MSRA: variants seen among roughly 807,000 people sequenced by gnomAD.
The protein encoded by MSRA is mitochondrial peptide methionine sulfoxide reductase.
Under a neutral mutation model 31.3 loss-of-function variants are expected in MSRA, and 54 were observed. That is an observed-to-expected ratio of 1.73 (90% CI 1.39 to 2.17). The LOEUF (loss-of-function observed/expected upper bound fraction) is 2.17, where lower values mean the gene tolerates loss of function less well. Ranked by LOEUF, MSRA falls within the 30% of genes most tolerant of loss-of-function variation. The pLI, the probability that MSRA is intolerant of heterozygous loss-of-function variation, is 0.00. For synonymous variants in MSRA, 169 were observed against 116.5 expected, an observed-to-expected ratio of 1.45 and a Z score of -2.90; for missense variants, 507 against 300.9, an observed-to-expected ratio of 1.69 and a Z score of -5.07.
intron 3 of MSRA, among the ~76,000 whole-genome samples, chr8:10,294,149 C>G (rs148175818): frequency 6.6e-6 from 1 of 152,000 alleles, no homozygotes; most frequent in Non-Finnish European, 1.5e-5. Context: ...TCCAGTGAAC[C>G]GAGATTGCAC....
At chr8:10,294,958 A>T (rs951346682) in intron 3 of MSRA, among the ~76,000 whole-genome samples, 1 of 152,140 alleles carries the variant, frequency 6.6e-6, no homozygotes, top group African/African-American at 2.4e-5. Flanking sequence ...TTGAATAGAA[A>T]GACCTTCCCT....
At chr8:10,167,358 T>C (rs1214887063) in intron 1 of MSRA, among the ~76,000 whole-genome samples, 4 of 152,202 alleles carry the variant, frequency 2.6e-5, no homozygotes, top group South Asian at 4.1e-4. Flanking sequence ...GAATGAAGTA[T>C]TCAATGCACA....
intron 1 of MSRA, among the ~76,000 whole-genome samples, chr8:10,112,074 A>G (rs1800332272): frequency 6.7e-6 from 1 of 148,158 alleles, no homozygotes; most frequent in Non-Finnish European, 1.5e-5. Flanking sequence ...TGTTAATCCT[A>G]ATAGATAGTC....
chr8:10,259,826 C>G (rs961585217), intron 3 of MSRA, among the ~76,000 whole-genome samples: 3 of 152,164 alleles, frequency 2.0e-5, no homozygotes, highest in East Asian at 1.9e-4. Context: ...TGCTGCTCCT[C>G]TCGGCTTCTT....
intron 3 of MSRA, among the ~76,000 whole-genome samples, chr8:10,295,851 G>A (rs996142564): frequency 2.0e-5 from 3 of 152,160 alleles, no homozygotes; most frequent in African/African-American, 7.2e-5. Flanking sequence ...GTCAGAGGAA[G>A]TCGTTGACAG....
intron 5 of MSRA, among the ~76,000 whole-genome samples, chr8:10,330,160 A>G (rs1045585292): frequency 1.3e-5 from 2 of 150,814 alleles, no homozygotes; most frequent in African/African-American, 2.4e-5. Context: ...CTAAGTGTGG[A>G]TAACAAAATT....
intron 4 of MSRA, among the ~76,000 whole-genome samples, chr8:10,314,708 C>G (rs1354177473): frequency 6.6e-6 from 1 of 152,162 alleles, no homozygotes; most frequent in African/African-American, 2.4e-5. Flanking sequence ...CAAGAATGTT[C>G]TTTACAGCCC....
intron 1 of MSRA, among the ~76,000 whole-genome samples, chr8:10,083,829 C>G (rs1457452175): frequency 6.6e-6 from 1 of 152,080 alleles, no homozygotes; most frequent in African/African-American, 2.4e-5. Context: ...CCTGTCAGAG[C>G]TTGGAAATAG....
intron 1 of MSRA, among the ~76,000 whole-genome samples, chr8:10,088,831 A>G (rs975855394): frequency 3.3e-5 from 5 of 152,266 alleles, no homozygotes; most frequent in African/African-American, 9.6e-5. Flanking sequence ...GCCATTTGCC[A>G]CAGCACGGAC....
At chr8:10,157,955 T>C (rs1254623814) in intron 1 of MSRA, among the ~76,000 whole-genome samples, 2 of 152,162 alleles carry the variant, frequency 1.3e-5, no homozygotes, top group East Asian at 1.9e-4. Flanking sequence ...CAGAATACCA[T>C]ATACTGGGTG....
chr8:10,112,674 A>G (rs551158826), intron 1 of MSRA, among the ~76,000 whole-genome samples: 26 of 152,356 alleles, frequency 1.7e-4, no homozygotes, highest in Middle Eastern at 3.4e-3. Flanking sequence ...ATTCAATTAA[A>G]TATGCAACTC....
At chr8:10,355,351 C>A (rs1226445878) in intron 5 of MSRA, among the ~76,000 whole-genome samples, 1 of 152,186 alleles carries the variant, frequency 6.6e-6, no homozygotes, top group Non-Finnish European at 1.5e-5. Context: ...AGCTTTATCG[C>A]CGATAGATAT....
chr8:10,097,349 C>A (rs528934408), intron 1 of MSRA, among the ~76,000 whole-genome samples: 107 of 152,202 alleles, frequency 7.0e-4, no homozygotes, highest in African/African-American at 2.3e-3. Context: ...TACACTACGT[C>A]GCTGATACTC....
At chr8:10,380,322 A>G (rs1441096879) in intron 5 of MSRA, among the ~76,000 whole-genome samples, 4 of 152,196 alleles carry the variant, frequency 2.6e-5, no homozygotes, top group Admixed American at 6.5e-5. Context: ...AAGCTCTGCT[A>G]TGTTAGGAGG....
intron 3 of MSRA, among the ~76,000 whole-genome samples, chr8:10,266,498 A>T (rs150349101): frequency 1.3e-5 from 2 of 152,320 alleles, no homozygotes; most frequent in East Asian, 3.9e-4. Flanking sequence ...TTTATCAGAC[A>T]TAATGATTTG....
At chr8:10,365,255 G>A (rs565365960) in intron 5 of MSRA, among the ~76,000 whole-genome samples, 2 of 149,936 alleles carry the variant, frequency 1.3e-5, no homozygotes, top group East Asian at 4.0e-4. Flanking sequence ...TGACCAGCTT[G>A]TACCCCTCCC....
At position 10,181,936 on chromosome 8, in the gene MSRA, G is replaced by A. The variant is rs147283859; in HGVS notation, c.143-25897G>A. ...TTGGTGTGCATTTTGGGTGAGTGGGGGTGAGCAGGAGATTAAGTAAGAAAT... is the reference window on the plus strand; with the variant it reads ...TTGGTGTGCATTTTGGGTGAGTGGGAGTGAGCAGGAGATTAAGTAAGAAAT... On this transcript the variant is annotated intron_variant, in intron 1 of 5. Transcript: ENST00000317173. 7.8e-3 allele frequency among the ~76,000 whole-genome samples: 1,184 copies of A among 152,272 alleles called. 5 individuals are homozygous for A. Among genetic ancestry groups the A allele is most frequent in the Non-Finnish European group, 0.012 (792 of 68,014 alleles).
At chr8:10,113,318 G>A (rs1290303583) in intron 1 of MSRA, among the ~76,000 whole-genome samples, 1 of 4,210 alleles carries the variant, frequency 2.4e-4, no homozygotes, top group Non-Finnish European at 8.2e-4. Flanking sequence ...TTTTTTTGGA[G>A]GTGTGTGTTT....
chr8:10,140,705 A>C (rs1313829601), intron 1 of MSRA, among the ~76,000 whole-genome samples: 1 of 152,346 alleles, frequency 6.6e-6, no homozygotes. Flanking sequence ...AGTGCACAGG[A>C]AAAATGAGTC....
Sources: allele counts gnomAD v4.1 joint callset (sites outside exome capture counted in the v4.1 genomes callset), GRCh38; gene constraint gnomAD v4.1.1; transcripts MANE v1.5; gene names NCBI Gene and HGNC (gene_info 2026-07-23, HGNC 2026-07-21).